The following TYW1B variants were observed in gnomAD, a reference collection of about 807,000 sequenced individuals.
TYW1B encodes the protein tRNA-yW synthesizing protein 1 homolog B.
In TYW1B, 73 loss-of-function variants were observed where a neutral mutation model predicts 86.9. That is an observed-to-expected ratio of 0.84 (90% CI 0.70 to 1.02). The LOEUF (loss-of-function observed/expected upper bound fraction) is 1.02, where lower values mean the gene tolerates loss of function less well. Among genes scored for constraint, TYW1B ranks in the 50% least tolerant of loss-of-function variants. The probability of loss-of-function intolerance (pLI) is 0.00; values close to 1 mark genes in which losing one functional copy is unlikely to be tolerated. For missense variants in TYW1B, 637 were observed against 827.4 expected, an observed-to-expected ratio of 0.77 and a Z score of 2.82; for synonymous variants, 248 against 292.8, an observed-to-expected ratio of 0.85 and a Z score of 1.56.
chr7:72,608,654 T>C (rs1811857040), intron 13 of TYW1B, among the ~76,000 whole-genome samples: 2 of 151,898 alleles, frequency 1.3e-5, no homozygotes, highest in South Asian at 4.2e-4. Context: ...TCGAATATAA[T>C]GATACACGCA....
chr7:72,744,694 T>G, intron 7 of TYW1B, 93 bp from the exon 8 acceptor site: 5 of 1,354,454 alleles, frequency 3.7e-6, no homozygotes, highest in Non-Finnish European at 5.3e-6. Context: ...ACCATGTGTT[T>G]CGTAACCATG....
intron 9 of TYW1B, among the ~76,000 whole-genome samples, chr7:72,727,083 G>A (rs1361561049): frequency 6.6e-6 from 1 of 152,130 alleles, no homozygotes; most frequent in African/African-American, 2.4e-5. Context: ...TGGGGATTAC[G>A]GAGATTACAA....
intron 8 of TYW1B, among the ~76,000 whole-genome samples, chr7:72,730,965 A>G (rs534501303): frequency 1.3e-5 from 2 of 150,410 alleles, no homozygotes; most frequent in East Asian, 3.9e-4. Context: ...GAGACACATT[A>G]TAGTCAAACT....
At chr7:72,658,013 T>A (rs1434245544) in intron 11 of TYW1B, among the ~76,000 whole-genome samples, 1 of 152,196 alleles carries the variant, frequency 6.6e-6, no homozygotes, top group Non-Finnish European at 1.5e-5. Flanking sequence ...CCCAGCACTT[T>A]GGGAGGCCAA....
At chr7:72,576,492 A>T (rs1490117650) in intron 13 of TYW1B, among the ~76,000 whole-genome samples, 1 of 149,798 alleles carries the variant, frequency 6.7e-6, no homozygotes, top group South Asian at 2.1e-4. Flanking sequence ...ACAGACAAGT[A>T]CTTGTCATGC....
chr7:72,810,468 T>G lies in TYW1B; in HGVS notation c.432+3A>C. The G allele has an allele frequency of 6.2e-7, 1 of 1,609,962 alleles. No homozygotes were observed. Among genetic ancestry groups the G allele is most frequent in the Non-Finnish European group, 8.5e-7 (1 of 1,177,498 alleles). ...TTATTCCTATAATTCAATATAGACCTACCTTGTTGAAGTGGCTAGCATAGG... is the reference window on the plus strand; with the variant it reads ...TTATTCCTATAATTCAATATAGACCGACCTTGTTGAAGTGGCTAGCATAGG... On this transcript the variant is annotated splice_donor_region_variant and intron_variant, in intron 4 of 13. Transcript: ENST00000620995.
chr7:72,827,734 AAGAG>A (rs1788963690), intron 1 of TYW1B, among the ~76,000 whole-genome samples: 1 of 151,386 alleles, frequency 6.6e-6, no homozygotes, highest in African/African-American at 2.4e-5. Context: ...TTTTTTTTTT[AAGAG>A]AGATATGGAA....
At position 72,575,620 on chromosome 7, in the gene TYW1B, C is replaced by T. The variant is rs782552126; in HGVS notation, c.1885G>A (p.Ala629Thr). 23 of 1,613,668 alleles carry T rather than the reference C, an allele frequency of 1.4e-5. No homozygotes were observed. Among genetic ancestry groups the T allele is most frequent in the Middle Eastern group, 3.3e-4 (2 of 6,078 alleles). Residue 629 changes from alanine (A) to threonine (T), a missense_variant, in exon 14 of 14, where the codon GCA (alanine) becomes ACA (threonine). By Grantham distance (58) the Ala-to-Thr change is moderately conservative (BLOSUM62 0). Transcript: ENST00000620995. ...GGAGTTCTGGCCATATAATCCTTTGCGCTGAACGTTTTTGATCCACCACTA... is the reference window on the plus strand; with the variant it reads ...GGAGTTCTGGCCATATAATCCTTTGTGCTGAACGTTTTTGATCCACCACTA... ...EDSGGSKTFS[A>T]KDYMARTPHW...
chr7:72,736,159 C>T (rs1166563128), intron 8 of TYW1B, among the ~76,000 whole-genome samples: 1 of 152,146 alleles, frequency 6.6e-6, no homozygotes, highest in Non-Finnish European at 1.5e-5. Flanking sequence ...TTTCCATTGG[C>T]TGGAACAGGA....
intron 6 of TYW1B, among the ~76,000 whole-genome samples, chr7:72,785,419 T>C (rs1318263935): frequency 4.7e-5 from 7 of 147,674 alleles, no homozygotes; most frequent in Middle Eastern, 3.6e-3. Context: ...TATAATTATA[T>C]AATTAATTCT....
intron 7 of TYW1B, among the ~76,000 whole-genome samples, chr7:72,775,069 A>G (rs546968535): frequency 5.6e-4 from 85 of 152,204 alleles, no homozygotes; most frequent in Non-Finnish European, 1.1e-3. Flanking sequence ...TACAGAAGAA[A>G]AGATAACTGA....
chr7:72,595,973 C>T lies in TYW1B; in HGVS notation c.1786-20254G>A, dbSNP rs181435751. 4.7e-3 allele frequency among the ~76,000 whole-genome samples: 713 copies of T among 151,716 alleles called. 10 individuals are homozygous for T. The highest frequency in any genetic ancestry group is 0.016 in the African/African-American group (673 of 41,436). On this transcript the variant is annotated intron_variant, in intron 13 of 13. Transcript: ENST00000620995. ...GGGAGATCACCTAAGGTCAGGAGTT[C>T]GAGACCAGCCTGGCCAACATGGTGA...
At position 72,616,741 on chromosome 7, in the gene TYW1B, A is replaced by G; in HGVS notation, c.1716T>C (p.Asp572=). ...EVVQFVRELV[D]LIPEYEIACE... is the part of the protein sequence containing the mutation. Reference sequence around the variant, plus strand: ...ATGCAATTTCATATTCGGGGATCAGATCCACCAGCTCGCGGACAAACTGTA... The same window carrying G: ...ATGCAATTTCATATTCGGGGATCAGGTCCACCAGCTCGCGGACAAACTGTA... The change falls in exon 13 of 14, where the codon GAT becomes GAC. Residue 572 remains aspartate (D), a synonymous_variant. Transcript: ENST00000620995. 1.2e-6 allele frequency: 2 copies of G among 1,614,232 alleles called. No homozygotes were observed. The highest frequency in any genetic ancestry group is 1.7e-6 in the Non-Finnish European group (2 of 1,180,042).
chr7:72,804,284 CAAAA>C (rs797037230), intron 5 of TYW1B, among the ~76,000 whole-genome samples: 1 of 70,830 alleles, frequency 1.4e-5, no homozygotes, highest in African/African-American at 5.3e-5. Context: ...GACTCCATCT[CAAAA>C]AAAAAAAAAA....
intron 7 of TYW1B, among the ~76,000 whole-genome samples, chr7:72,774,062 CAAAAAAAAAA>C (rs35480783): frequency 1.8e-5 from 1 of 54,826 alleles, no homozygotes; most frequent in Non-Finnish European, 4.3e-5. Context: ...AACTCCATCT[CAAAAAAAAAA>C]AAAAAAAAAG....
At position 72,686,461 on chromosome 7, in the gene TYW1B, ACATACGGTATGATTC is replaced by A. The variant is rs1814008147; in HGVS notation, c.1506+8211_1506+8225del. ...TGAAAGAAGCAAATCTGAAAAGGCT[ACATACGGTATGATTC>A]CAACTATATGACATTCTGGAAAAGG... On this transcript the variant is annotated intron_variant, in intron 11 of 13. Transcript: ENST00000620995. Among the ~76,000 whole-genome samples the A allele has an allele frequency of 2.6e-5, 4 of 152,198 alleles. No homozygotes were observed. In the South Asian group the frequency reaches 8.3e-4, roughly 32 times the overall value.
At chr7:72,632,734 G>C (rs2960936) in intron 11 of TYW1B, among the ~76,000 whole-genome samples, 54,329 of 144,238 alleles carry the variant, frequency 0.38, 7,348 homozygotes, top group African/African-American at 0.54. Flanking sequence ...TTACTATGTG[G>C]CAGCTGTTGT....
chr7:72,680,180 C>T (rs1429148047), intron 11 of TYW1B, among the ~76,000 whole-genome samples: 7 of 152,060 alleles, frequency 4.6e-5, no homozygotes, highest in African/African-American at 7.2e-5. Flanking sequence ...CAAAGTATTG[C>T]TCCTGGGTGT....
At chr7:72,801,722 T>A (rs1788406394) in intron 6 of TYW1B, among the ~76,000 whole-genome samples, 1 of 152,150 alleles carries the variant, frequency 6.6e-6, no homozygotes. Context: ...CTCACATTCA[T>A]CTAGTCACTG....
Sources: gnomAD v4.1 joint callset for allele counts (sites outside exome capture counted in the v4.1 genomes callset) on GRCh38, gnomAD v4.1.1 for gene constraint, MANE v1.5 for transcripts, NCBI Gene and HGNC (gene_info 2026-07-23, HGNC 2026-07-21) for gene names.